The following BID variants were observed in gnomAD, a reference collection of about 807,000 sequenced individuals.
BID encodes the protein BH3 interacting domain death agonist, also known as BH3-interacting domain death agonist.
In BID, 19 loss-of-function variants were observed where a neutral mutation model predicts 17.4. That is an observed-to-expected ratio of 1.09 (90% CI 0.76 to 1.60). BID has a LOEUF of 1.60. Ranked by LOEUF, BID falls within the 40% of genes most tolerant of loss-of-function variation. The pLI is 0.00. For missense variants in BID, 226 were observed against 256.0 expected (o/e 0.88, Z 0.80); for synonymous variants, 108 against 102.8 (o/e 1.05, Z -0.31).
At chr22:17,749,663 TTTC>T (rs1424458848) in intron 2 of BID, among the ~76,000 whole-genome samples, 2 of 152,244 alleles carry the variant, frequency 1.3e-5, no homozygotes, top group African/African-American at 2.4e-5. Context: ...TAATGCCCCC[TTTC>T]TTCTTCTTAA....
intron 1 of BID, among the ~76,000 whole-genome samples, chr22:17,756,585 T>G (rs184881008): frequency 7.6e-6 from 1 of 131,494 alleles, no homozygotes; most frequent in South Asian, 2.3e-4. Context: ...TCTTTTTTTT[T>G]TCTTTTTTGA....
Position 17,735,467 on chromosome 22 carries a change from C to CCTGT in BID, c.*109_*112dup. On this transcript the variant is annotated 3_prime_UTR_variant, in exon 6 of 6. Transcript: ENST00000622694. Reference sequence around the variant, plus strand: ...AATAGAAGTCACAGCTATCTTCCAGCCTGTCTTCTCTAGGAACGCTGTTGA... The same window carrying CCTGT: ...AATAGAAGTCACAGCTATCTTCCAGCCTGTCTGTCTTCTCTAGGAACGCTGTTGA... 1.6e-6 allele frequency: 2 copies of CCTGT among 1,251,338 alleles called. No individual in the cohort carries two copies. Among genetic ancestry groups the CCTGT allele is most frequent in the South Asian group, 2.5e-5 (2 of 79,754 alleles). The allele number at this position is 1,251,338 out of a possible 1,614,324, so 77.5% of individuals were successfully genotyped here.
chr22:17,751,014 C>T (rs919818198), intron 1 of BID, among the ~76,000 whole-genome samples: 2 of 150,454 alleles, frequency 1.3e-5, no homozygotes, highest in Non-Finnish European at 3.0e-5. Flanking sequence ...CCAGCCTGGG[C>T]GAGAGTGAAA....
Position 17,756,373 on chromosome 22 carries a change from G to T in BID, c.-58-6199C>A, listed in dbSNP as rs920116844. On this transcript the variant is annotated intron_variant, in intron 1 of 5. Coordinates refer to ENST00000622694, the MANE Select transcript of BID (RefSeq NM_001196.4). The stretch of plus-strand genomic sequence containing the variant: ...GTTTTCCACTGGGCAAAGTTCAGTC[G>T]CATTTCTTTCTGTTCTCTTTCTTTC... Among the ~76,000 whole-genome samples the T allele has an allele frequency of 5.3e-5, 8 of 151,752 alleles. No individual in the cohort carries two copies. The East Asian group carries it at 1.6e-3, about 29-fold the overall frequency.
chr22:17,739,519 G>T, intron 3 of BID, 31 bp from the exon 4 acceptor site: 1 of 1,596,244 alleles, frequency 6.3e-7, no homozygotes. Flanking sequence ...CAGAGACAGA[G>T]CAGACTCAGA....
chr22:17,744,540 G>A (rs894523244), intron 2 of BID, among the ~76,000 whole-genome samples: 2 of 152,228 alleles, frequency 1.3e-5, no homozygotes, highest in Non-Finnish European at 2.9e-5. Context: ...CTGCGGAGTG[G>A]TGACCACAGC....
chr22:17,761,775 AAAG>A (rs2061640849), intron 1 of BID, among the ~76,000 whole-genome samples: 1 of 152,200 alleles, frequency 6.6e-6, no homozygotes, highest in Non-Finnish European at 1.5e-5. Flanking sequence ...ATGAGTAAAC[AAAG>A]AAGGCAAGAC....
intron 1 of BID, among the ~76,000 whole-genome samples, chr22:17,764,544 G>A (rs1199968479): frequency 6.6e-6 from 1 of 152,236 alleles, no homozygotes; most frequent in Non-Finnish European, 1.5e-5. Context: ...CAGTGAATCG[G>A]ATGAAGCTTT....
chr22:17,773,590 C>T lies in BID; in HGVS notation c.-59+791G>A. The T allele has an allele frequency of 1.2e-6, 2 of 1,612,218 alleles. No individual in the cohort carries two copies. Among genetic ancestry groups the T allele is most frequent in the East Asian group, 2.2e-5 (1 of 44,870 alleles). ...GAAGGCCGGTCCAGCCGCAGAAGGC[C>T]CAGCCCCCAGCCCACTTACAGAATC... On this transcript the variant is annotated intron_variant, in intron 1 of 5. Transcript: ENST00000622694. This position sits in a 1 kb window ranked among gnomAD's most constrained non-coding sequence, Gnocchi z 4.4.
At chr22:17,756,494 T>TTCTTTCTTTCTTTCTC (rs1454070298) in intron 1 of BID, among the ~76,000 whole-genome samples, 42 of 136,904 alleles carry the variant, frequency 3.1e-4, no homozygotes, top group African/African-American at 1.0e-3. Context: ...CTTTCTTTCT[T>TTCTTTCTTTCTTTCTC]TCTCTCTCTC....
rs1394900685 is a variant in BID, at chr22:17,751,726, C to T, written c.-58-1552G>A. Among the ~76,000 whole-genome samples the T allele has an allele frequency of 2.6e-5, 4 of 152,222 alleles. No individual in the cohort carries two copies. The East Asian group carries it at 7.7e-4, about 29-fold the overall frequency. On this transcript the variant is annotated intron_variant, in intron 1 of 5. Coordinates refer to ENST00000622694, the MANE Select transcript of BID (RefSeq NM_001196.4). ...GCACTGTTGCAGGCTGCACCCTACT[C>T]TCCCTCTGGGGAGCCCAGGAGAAAC...
In BID at chr22:17,736,282, A is replaced by G. The variant is rs549599972; in HGVS notation, c.577-691T>C. Among the ~76,000 whole-genome samples the G allele has an allele frequency of 5.9e-5, 9 of 151,976 alleles. No homozygotes were observed. In the South Asian group the frequency reaches 1.9e-3, roughly 32 times the overall value. On this transcript the variant is annotated intron_variant, in intron 5 of 5. Transcript: ENST00000622694. ...TCGAGACCAGCCTAACATGGGAGAA[A>G]CCTCATCTCTACTAAAAATACAAAA...
intron 1 of BID, among the ~76,000 whole-genome samples, chr22:17,768,703 C>T (rs1028988594): frequency 8.5e-5 from 13 of 152,162 alleles, no homozygotes; most frequent in Non-Finnish European, 1.9e-4. Flanking sequence ...GAAACCCCTT[C>T]TCTACTAAAA....
chr22:17,741,523 G>A (rs1411807458), intron 3 of BID, among the ~76,000 whole-genome samples: 2 of 151,340 alleles, frequency 1.3e-5, no homozygotes, highest in African/African-American at 4.9e-5. Context: ...CCCCAAGCTG[G>A]AGTGCAGTGG....
chr22:17,741,338 G>GCTGC (rs1273637256), intron 3 of BID: 2 of 152,280 alleles, frequency 1.3e-5, no homozygotes, highest in East Asian at 3.9e-4. Flanking sequence ...ATGCAGTAAG[G>GCTGC]CTGCCACATC....
chr22:17,763,136 C>CA (rs955122853), intron 1 of BID, among the ~76,000 whole-genome samples: 7 of 152,232 alleles, frequency 4.6e-5, no homozygotes, highest in African/African-American at 1.7e-4. Flanking sequence ...CTCAGCCTCC[C>CA]AAAGTGCTGG....
chr22:17,743,843 GCCAT>G lies in BID; in HGVS notation c.179_182del (p.Asp60AlafsTer12). ...CCAAGCGGGAGTGGCTGCTGCGGTT[GCCAT>G]CAGTCTGCAGCTCATCGTAGCCCTC... On this transcript the variant is annotated frameshift_variant, in exon 3 of 6. Transcript: ENST00000622694. LOFTEE classifies it high-confidence loss of function. 1 of 1,612,570 alleles carries G rather than the reference GCCAT, an allele frequency of 6.2e-7. No homozygotes were observed. The highest frequency in any genetic ancestry group is 8.5e-7 in the Non-Finnish European group (1 of 1,179,756).
chr22:17,738,203 G>C lies in BID; in HGVS notation c.390C>G (p.Ala130=), dbSNP rs1461544048. ...EEDRNRDLAT[A]LEQLLQAYPR... ...GGTAGGCCTGCAGCAGCTGCTCCAG[G>C]GCAGTGGCCAGGTCCCTGTTCCGGT... The change falls in exon 5 of 6, where the codon GCC becomes GCG. Residue 130 remains alanine (A), a synonymous_variant. Coordinates refer to ENST00000622694, the MANE Select transcript of BID (RefSeq NM_001196.4). The C allele has an allele frequency of 7.4e-6, 12 of 1,611,862 alleles. No individual in the cohort carries two copies. The highest frequency in any genetic ancestry group is 2.0e-4 in the Middle Eastern group (1 of 4,938).
Position 17,774,431 on chromosome 22 carries a change from C to T in BID, c.-109G>A. On this transcript the variant is annotated 5_prime_UTR_variant, in exon 1 of 6. Coordinates refer to ENST00000622694, the MANE Select transcript of BID (RefSeq NM_001196.4). ...CGCGTCCGGGCCGAGGCAGCGTCTC[C>T]CAGGCGCGCGGACACGGTCGACTAC... is the stretch of plus-strand genomic sequence containing the variant. 1 of 289,830 alleles carries T rather than the reference C, an allele frequency of 3.5e-6. No individual in the cohort carries two copies. Among genetic ancestry groups the T allele is most frequent in the Non-Finnish European group, 7.4e-6 (1 of 135,756 alleles). 18.0% of individuals were successfully genotyped at this position (289,830 alleles called of 1,614,324 possible). A position where few individuals can be genotyped will look rare whatever the true frequency, so the allele number is the denominator to read the frequency against.
Sources: allele counts gnomAD v4.1 joint callset (sites outside exome capture counted in the v4.1 genomes callset), GRCh38; gene constraint gnomAD v4.1.1; non-coding constraint Gnocchi (gnomAD v3.1); transcripts MANE v1.5; gene names NCBI Gene and HGNC (gene_info 2026-07-23, HGNC 2026-07-21).